PLEKHH1: variants seen among roughly 807,000 people sequenced by gnomAD.
The protein encoded by PLEKHH1 is pleckstrin homology domain-containing family H member 1.
PLEKHH1 carries 104 observed loss-of-function variants against 160.0 expected under a neutral mutation model. The observed-to-expected ratio is 0.65, with a 90% confidence interval of 0.55 to 0.76. The LOEUF (loss-of-function observed/expected upper bound fraction) is 0.76. Among genes scored for constraint, PLEKHH1 ranks in the 30% least tolerant of loss-of-function variants. The probability of loss-of-function intolerance (pLI) is 0.00; values close to 1 mark genes in which losing one functional copy is unlikely to be tolerated. For synonymous variants in PLEKHH1, 619 were observed against 678.4 expected, an observed-to-expected ratio of 0.91 and a Z score of 1.36; for missense variants, 1,427 against 1,724.1, an observed-to-expected ratio of 0.83 and a Z score of 3.05.
chr14:67,565,641 A>G (rs1347822285), intron 7 of PLEKHH1, among the ~76,000 whole-genome samples: 1 of 152,138 alleles, frequency 6.6e-6, no homozygotes, highest in African/African-American at 2.4e-5. Context: ...TCATGGGCAG[A>G]CATCCCCTCC....
intron 28 of PLEKHH1, chr14:67,586,355 T>C: frequency 7.0e-7 from 1 of 1,434,274 alleles, no homozygotes; most frequent in Middle Eastern, 1.8e-4. Flanking sequence ...TTTTTCTTTT[T>C]TATTCTCTCA....
chr14:67,546,078 G>A (rs1427891951), intron 2 of PLEKHH1, among the ~76,000 whole-genome samples: 1 of 152,218 alleles, frequency 6.6e-6, no homozygotes, highest in Non-Finnish European at 1.5e-5. Context: ...TGGATTCTGG[G>A]AGAACATGAG....
intron 1 of PLEKHH1, among the ~76,000 whole-genome samples, chr14:67,541,445 A>G (rs559757131): frequency 6.6e-6 from 1 of 152,366 alleles, no homozygotes; most frequent in Admixed American, 6.5e-5. Context: ...AATTTCTCTT[A>G]GTTCTGTTTG....
chr14:67,589,607 T>C lies in PLEKHH1; in HGVS notation c.*2372T>C, dbSNP rs1159641581. 4.1e-6 allele frequency: 4 copies of C among 986,130 alleles called. No individual in the cohort carries two copies. Among genetic ancestry groups the C allele is most frequent in the South Asian group, 4.7e-5 (1 of 21,352 alleles). The allele number at this position is 986,130 out of a possible 1,614,324, so 61.1% of individuals were successfully genotyped here. On this transcript the variant is annotated 3_prime_UTR_variant, in exon 29 of 29. Coordinates refer to ENST00000329153, the MANE Select transcript of PLEKHH1 (RefSeq NM_020715.3). ...CCCTGTACAGAACACAGGCACTAGG[T>C]TGACAGACTCGTCTTTTGTAGGACA...
At chr14:67,540,733 T>C (rs2033932630) in intron 1 of PLEKHH1, among the ~76,000 whole-genome samples, 1 of 152,202 alleles carries the variant, frequency 6.6e-6, no homozygotes, top group East Asian at 1.9e-4. Flanking sequence ...AAATTTATAC[T>C]TTTTGGGAAG....
At chr14:67,539,654 CTT>C (rs1483013588) in intron 1 of PLEKHH1, among the ~76,000 whole-genome samples, 2 of 152,158 alleles carry the variant, frequency 1.3e-5, no homozygotes, top group African/African-American at 4.8e-5. Context: ...CTACCACACT[CTT>C]TGTGAAATTG....
rs1280100359 is a variant in PLEKHH1 at position 67,582,501 on chromosome 14, A to G, written c.3426+291A>G. 6.6e-6 allele frequency among the ~76,000 whole-genome samples: 1 copy of G among 152,104 alleles called. No individual in the cohort carries two copies. Among genetic ancestry groups the G allele is most frequent in the Non-Finnish European group, 1.5e-5 (1 of 68,020 alleles). On this transcript the variant is annotated intron_variant, in intron 24 of 28. Coordinates refer to ENST00000329153, the MANE Select transcript of PLEKHH1 (RefSeq NM_020715.3). The surrounding 1 kb of genome is among the most constrained non-coding windows in gnomAD (Gnocchi z 5.0). Reference sequence around the variant, plus strand: ...AAGTCACTTCACTTCTCTATGCTTTAGTTTCCTTCTCAGTATACCAAAATA... The same window carrying G: ...AAGTCACTTCACTTCTCTATGCTTTGGTTTCCTTCTCAGTATACCAAAATA...
intron 2 of PLEKHH1, 97 bp from the exon 3 acceptor site, chr14:67,555,728 G>C: frequency 6.5e-7 from 1 of 1,533,976 alleles, no homozygotes; most frequent in Middle Eastern, 1.7e-4. Flanking sequence ...AGTCTGGCCT[G>C]TGTGCAGTGT....
At chr14:67,565,465 A>C (rs1051860205) in intron 7 of PLEKHH1, among the ~76,000 whole-genome samples, 10 of 152,004 alleles carry the variant, frequency 6.6e-5, no homozygotes, top group African/African-American at 2.4e-4. Flanking sequence ...GGCTAGTCTC[A>C]AACTCCTGGC....
chr14:67,583,532 C>T (rs1384408114), intron 24 of PLEKHH1, among the ~76,000 whole-genome samples: 2 of 152,160 alleles, frequency 1.3e-5, no homozygotes, highest in African/African-American at 2.4e-5. Context: ...CAAAGTTGGT[C>T]GGTGATCTCT....
At chr14:67,551,089 A>G (rs2034374685) in intron 2 of PLEKHH1, among the ~76,000 whole-genome samples, 1 of 152,234 alleles carries the variant, frequency 6.6e-6, no homozygotes, top group Non-Finnish European at 1.5e-5. Flanking sequence ...CATATAAGCT[A>G]AATGCCCACA....
Position 67,580,991 on chromosome 14 carries a change from A to G in PLEKHH1, c.3237A>G (p.Gly1079=), listed in dbSNP as rs770665524. ...AAGCCATGAAGGAGCTGCACCCCGG[A>G]AAGTCTGAGGGTGGGACACGCGTCG... ...WEQAMKELHP[G]KSEGGTRVVK... Residue 1079 remains glycine, a synonymous_variant, in exon 23 of 29, where the codon GGA becomes GGG. Transcript: ENST00000329153. 6.5e-5 allele frequency: 105 copies of G among 1,613,692 alleles called. No individual in the cohort carries two copies. Among genetic ancestry groups the G allele is most frequent in the Non-Finnish European group, 8.9e-5 (105 of 1,179,614 alleles).
chr14:67,560,723 A>G (rs1230619307), intron 5 of PLEKHH1, among the ~76,000 whole-genome samples: 2 of 140,624 alleles, frequency 1.4e-5, no homozygotes, highest in Non-Finnish European at 3.1e-5. Context: ...GGATGAACAT[A>G]TATCTTTTTT....
Position 67,565,009 on chromosome 14 carries a change from A to G in PLEKHH1, c.1263+2115A>G, listed in dbSNP as rs561283574. On this transcript the variant is annotated intron_variant, in intron 7 of 28. Coordinates refer to ENST00000329153, the MANE Select transcript of PLEKHH1 (RefSeq NM_020715.3). ...TCTGGCCCTGTACCTGACATTTTCC[A>G]TGATAAAAAGTTAAAATAAAAATGA... is the stretch of plus-strand genomic sequence containing the variant. Among the ~76,000 whole-genome samples, 363 of 152,206 alleles carry G rather than the reference A, an allele frequency of 2.4e-3. 4 individuals are homozygous for G. Among genetic ancestry groups the G allele is most frequent in the African/African-American group, 8.4e-3 (350 of 41,552 alleles).
intron 2 of PLEKHH1, among the ~76,000 whole-genome samples, chr14:67,548,484 G>T (rs974791300): frequency 6.6e-6 from 1 of 152,174 alleles, no homozygotes; most frequent in Non-Finnish European, 1.5e-5. Context: ...GATCACCTGA[G>T]GTCGGGAGTT....
rs1326234666 is a variant in PLEKHH1, at chr14:67,576,391, C to T, written c.2353-4C>T. 17 of 1,576,150 alleles carry T rather than the reference C, an allele frequency of 1.1e-5. No homozygotes were observed. In the East Asian group the frequency reaches 3.8e-4, roughly 35 times the overall value. On this transcript the variant is annotated splice_region_variant and splice_polypyrimidine_tract_variant and intron_variant, in intron 16 of 28. Transcript: ENST00000329153. This position sits in a 1 kb window ranked among gnomAD's most constrained non-coding sequence, Gnocchi z 4.0. ...CCATCCGATGGCTTTCCGCCCTCTTCCAGGATACGTGGCTCTACCACCTCA... is the reference window on the plus strand; with the variant it reads ...CCATCCGATGGCTTTCCGCCCTCTTTCAGGATACGTGGCTCTACCACCTCA...
chr14:67,576,558 A>C lies in PLEKHH1; in HGVS notation c.2461+55A>C, dbSNP rs540475925. ...GTTGGAGGGTAGTGGCTTGGTGACT[A>C]TTGGTCAAGATCCCAAAGAAAGCAG... On this transcript the variant is annotated intron_variant, in intron 17 of 28. Transcript: ENST00000329153. This position sits in a 1 kb window ranked among gnomAD's most constrained non-coding sequence, Gnocchi z 4.0. 1.2e-6 allele frequency: 1 copy of C among 857,040 alleles called. No homozygotes were observed. The highest frequency in any genetic ancestry group is 2.0e-6 in the Non-Finnish European group (1 of 502,084). The allele number at this position is 857,040 out of a possible 1,614,324, so 53.1% of individuals were successfully genotyped here.
At position 67,582,189 on chromosome 14, in the gene PLEKHH1, G is replaced by A. The variant is rs1047289514; in HGVS notation, c.3405G>A (p.Glu1135=). The part of the protein sequence containing the change: ...RFPINKELAL[E]MAALMAQVEY... ...CTATCAACAAGGAATTGGCTCTTGA[G>A]ATGGCTGCCCTGATGGCCCAGGTAA... Residue 1135 remains glutamate (E), a synonymous_variant, in exon 24 of 29, where the codon GAG becomes GAA. Coordinates refer to ENST00000329153, the MANE Select transcript of PLEKHH1 (RefSeq NM_020715.3). This position sits in a 1 kb window ranked among gnomAD's most constrained non-coding sequence, Gnocchi z 5.0. The A allele has an allele frequency of 3.1e-6, 5 of 1,613,606 alleles. No individual in the cohort carries two copies. Among genetic ancestry groups the A allele is most frequent in the Non-Finnish European group, 4.2e-6 (5 of 1,179,802 alleles).
In PLEKHH1 at chr14:67,576,342, G is replaced by GC; in HGVS notation, c.2353-51dup. 1 of 1,015,220 alleles carries GC rather than the reference G, an allele frequency of 9.9e-7. No homozygotes were observed. The highest frequency in any genetic ancestry group is 1.5e-6 in the Non-Finnish European group (1 of 658,064). 62.9% of individuals were successfully genotyped at this position (1,015,220 alleles called of 1,614,324 possible). Reference sequence around the variant, plus strand: ...TCAAGGAGTCCTCCTTGGAGCTCTTGCCTCCACTCTTCCCACCCCGTCCCC... The same window carrying GC: ...TCAAGGAGTCCTCCTTGGAGCTCTTGCCCTCCACTCTTCCCACCCCGTCCCC... On this transcript the variant is annotated intron_variant, in intron 16 of 28. Transcript: ENST00000329153. This position sits in a 1 kb window ranked among gnomAD's most constrained non-coding sequence, Gnocchi z 4.0.
Sources: allele counts gnomAD v4.1 joint callset (sites outside exome capture counted in the v4.1 genomes callset), GRCh38; gene constraint gnomAD v4.1.1; non-coding constraint Gnocchi (gnomAD v3.1); transcripts MANE v1.5; gene names NCBI Gene and HGNC (gene_info 2026-07-23, HGNC 2026-07-21).